The following ALDH1L1 variants were observed in gnomAD, a reference collection of about 807,000 sequenced individuals.
ALDH1L1 encodes the protein aldehyde dehydrogenase 1 family member L1, also known as cytosolic 10-formyltetrahydrofolate dehydrogenase.
A neutral mutation model predicts 101.1 loss-of-function variants in ALDH1L1; 68 were observed. The observed-to-expected ratio is 0.67, with a 90% CI of 0.55 to 0.82. ALDH1L1 has a LOEUF of 0.82. Ranked by LOEUF, ALDH1L1 falls within the 40% of genes least tolerant of loss-of-function variation. The probability of loss-of-function intolerance (pLI) is 0.00; values close to 1 mark genes in which losing one functional copy is unlikely to be tolerated. For missense variants in ALDH1L1, 1,087 were observed against 1,172.7 expected, an observed-to-expected ratio of 0.93 and a Z score of 1.07; for synonymous variants, 486 against 470.8, an observed-to-expected ratio of 1.03 and a Z score of -0.42.
upstream of ALDH1L1, chr3:126,181,192 C>T: frequency 3.2e-6 from 2 of 620,022 alleles, no homozygotes; most frequent in South Asian, 1.9e-5. Flanking sequence ...GCAGACCCCT[C>T]CTCCTGGTTC....
intron 9 of ALDH1L1, among the ~76,000 whole-genome samples, chr3:126,141,545 A>C (rs2080568823): frequency 1.3e-5 from 2 of 152,166 alleles, no homozygotes; most frequent in African/African-American, 4.8e-5. Flanking sequence ...AATCGATAAC[A>C]GAAAGAAATC....
intron 19 of ALDH1L1, among the ~76,000 whole-genome samples, chr3:126,111,047 C>A (rs9837946): frequency 1.3e-5 from 2 of 152,230 alleles, no homozygotes; most frequent in African/African-American, 4.8e-5. Context: ...TCACACTCCC[C>A]CCATGACCGC....
At chr3:126,123,445 A>T (rs1165248548) in intron 16 of ALDH1L1, among the ~76,000 whole-genome samples, 4 of 151,962 alleles carry the variant, frequency 2.6e-5, no homozygotes, top group Non-Finnish European at 5.9e-5. Context: ...TTTAATAGAG[A>T]CGGGGTTTCA....
chr3:126,133,811 C>T (rs575472518), intron 12 of ALDH1L1, among the ~76,000 whole-genome samples: 2 of 152,204 alleles, frequency 1.3e-5, no homozygotes, highest in African/African-American at 2.4e-5. Context: ...GCAGCCTGGA[C>T]CACCGTCAGA....
intron 19 of ALDH1L1, 66 bp downstream of exon 19, chr3:126,112,716 C>T: frequency 1.4e-6 from 2 of 1,475,338 alleles, no homozygotes; most frequent in Non-Finnish European, 1.9e-6. Flanking sequence ...CCTCCTCCAA[C>T]CCCCTCCAGC....
intron 1 of ALDH1L1, among the ~76,000 whole-genome samples, chr3:126,173,881 G>A (rs2081326102): frequency 6.6e-6 from 1 of 152,212 alleles, no homozygotes; most frequent in Non-Finnish European, 1.5e-5. Flanking sequence ...AATGGTAAAG[G>A]AGTCAATTAT....
intron 20 of ALDH1L1, 110 bp downstream of exon 20, chr3:126,109,834 G>T: frequency 1.4e-6 from 2 of 1,472,328 alleles, no homozygotes; most frequent in Non-Finnish European, 9.2e-7. Context: ...CAGCCTGACT[G>T]TGTAGGTACC....
intron 20 of ALDH1L1, among the ~76,000 whole-genome samples, 162 bp downstream of exon 20, chr3:126,109,782 A>G (rs754762286): frequency 5.3e-5 from 8 of 152,128 alleles, no homozygotes; most frequent in African/African-American, 1.9e-4. Flanking sequence ...CTGGTGCCCA[A>G]ATAGCCACAG....
chr3:126,123,253 A>T (rs2108215773), intron 16 of ALDH1L1, among the ~76,000 whole-genome samples: 1 of 118,992 alleles, frequency 8.4e-6, no homozygotes, highest in African/African-American at 3.9e-5. Flanking sequence ...GTATCACCAA[A>T]ACTCTTTTTT....
chr3:126,117,963 G>A (rs903323598), intron 17 of ALDH1L1, 42 bp downstream of exon 17: 3 of 1,559,114 alleles, frequency 1.9e-6, no homozygotes, highest in Non-Finnish European at 2.6e-6. Flanking sequence ...CCCAGGCGCA[G>A]CCCACAGCAG....
chr3:126,137,800 G>C lies in ALDH1L1; in HGVS notation c.1224+13C>G. Reference sequence around the variant, plus strand: ...CTCTGCAGGGCCTGCTGCAGGGAGGGCCCAGCACTCACGTAGTCAATGCTG... The same window carrying C: ...CTCTGCAGGGCCTGCTGCAGGGAGGCCCCAGCACTCACGTAGTCAATGCTG... On this transcript the variant is annotated intron_variant, in intron 10 of 22. Coordinates refer to ENST00000393434, the MANE Select transcript of ALDH1L1 (RefSeq NM_012190.4). The C allele has an allele frequency of 6.2e-7, 1 of 1,612,036 alleles. No individual in the cohort carries two copies. Among genetic ancestry groups the C allele is most frequent in the African/African-American group, 1.3e-5 (1 of 75,000 alleles).
chr3:126,125,781 G>T, intron 14 of ALDH1L1, 60 bp from the exon 15 acceptor site: 1 of 1,234,736 alleles, frequency 8.1e-7, no homozygotes, highest in Non-Finnish European at 1.1e-6. Context: ...CAGTGGACCT[G>T]CCAATTCCCT....
At chr3:126,106,006 C>A in intron 21 of ALDH1L1, 81 bp from the exon 22 acceptor site, 1 of 1,388,104 alleles carries the variant, frequency 7.2e-7, no homozygotes, top group South Asian at 1.3e-5. Flanking sequence ...GCCCACTCCA[C>A]ACCCCAGCTG....
chr3:126,120,046 G>A (rs1335598820), intron 16 of ALDH1L1, among the ~76,000 whole-genome samples: 1 of 152,266 alleles, frequency 6.6e-6, no homozygotes, highest in Non-Finnish European at 1.5e-5. Context: ...AAATGGCACA[G>A]CCAGTCGGGA....
At chr3:126,133,602 G>A (rs2080358824) in intron 12 of ALDH1L1, among the ~76,000 whole-genome samples, 2 of 152,210 alleles carry the variant, frequency 1.3e-5, no homozygotes, top group South Asian at 2.1e-4. Flanking sequence ...GCTCTGAGAG[G>A]CTGCCTTGCA....
intron 1 of ALDH1L1, among the ~76,000 whole-genome samples, chr3:126,175,655 G>A (rs944382678): frequency 6.6e-6 from 1 of 152,082 alleles, no homozygotes; most frequent in Non-Finnish European, 1.5e-5. Flanking sequence ...ATTCATTTAT[G>A]ATAAGAGCTT....
intron 1 of ALDH1L1, among the ~76,000 whole-genome samples, chr3:126,190,532 T>C (rs1224795200): frequency 6.6e-6 from 1 of 152,202 alleles, no homozygotes; most frequent in African/African-American, 2.4e-5. Flanking sequence ...TTTTTCCAAA[T>C]TGGTGCACTG....
rs888212369 is a variant in ALDH1L1, at chr3:126,150,390, T to G, written c.984+16A>C. ...AACCTGCCCAACTGGATGGCAGCCC[T>G]GAAGTTGCCTCTTACCCGCACAGCC... On this transcript the variant is annotated intron_variant, in intron 8 of 22. Transcript: ENST00000393434. 1.3e-6 allele frequency: 2 copies of G among 1,549,646 alleles called. No homozygotes were observed.
upstream of ALDH1L1, among the ~76,000 whole-genome samples, chr3:126,186,499 C>CCCTGAG (rs1251893799): frequency 4.6e-5 from 3 of 65,518 alleles, no homozygotes; most frequent in African/African-American, 1.2e-4. Context: ...CTGAACCTGA[C>CCCTGAG]CCTGACCCTG....
Sources: allele counts gnomAD v4.1 joint callset (sites outside exome capture counted in the v4.1 genomes callset), GRCh38; gene constraint gnomAD v4.1.1; transcripts MANE v1.5; gene names NCBI Gene and HGNC (gene_info 2026-07-23, HGNC 2026-07-21).